Variants in ARHGAP15 observed in about 807,000 individuals in gnomAD.
ARHGAP15 encodes the protein Rho GTPase activating protein 15, also known as rho GTPase-activating protein 15.
A neutral mutation model predicts 63.7 loss-of-function variants in ARHGAP15; 51 were observed. The ratio of observed to expected loss-of-function variants is 0.80; its 90% CI spans 0.64 to 1.01. The LOEUF is 1.01. Among genes scored for constraint, ARHGAP15 ranks in the 50% least tolerant of loss-of-function variants. The probability of loss-of-function intolerance (pLI) is 0.00; values close to 1 mark genes in which losing one functional copy is unlikely to be tolerated. For synonymous variants in ARHGAP15, 191 were observed against 193.8 expected, an observed-to-expected ratio of 0.99 and a Z score of 0.12; for missense variants, 560 against 564.6, an observed-to-expected ratio of 0.99 and a Z score of 0.08.
intron 6 of ARHGAP15, among the ~76,000 whole-genome samples, chr2:143,332,151 G>T (rs1239351242): frequency 6.6e-6 from 1 of 151,964 alleles, no homozygotes; most frequent in African/African-American, 2.4e-5. Context: ...ATTAGATCAT[G>T]GTATCAATTC....
intron 9 of ARHGAP15, among the ~76,000 whole-genome samples, chr2:143,494,689 C>T (rs990486880): frequency 2.6e-5 from 4 of 152,050 alleles, no homozygotes; most frequent in Non-Finnish European, 5.9e-5. Flanking sequence ...CAATAGTTGT[C>T]CACTCTTATT....
At chr2:143,677,252 G>A (rs1410538635) in intron 12 of ARHGAP15, among the ~76,000 whole-genome samples, 1 of 152,220 alleles carries the variant, frequency 6.6e-6, no homozygotes, top group East Asian at 1.9e-4. Flanking sequence ...GTGGTGAACA[G>A]CAAGTGTTTT....
At chr2:143,490,743 C>T (rs1417804032) in intron 9 of ARHGAP15, among the ~76,000 whole-genome samples, 2 of 152,136 alleles carry the variant, frequency 1.3e-5, no homozygotes, top group Admixed American at 1.3e-4. Context: ...GCTTCAGCTC[C>T]TGAGTAGCTG....
At chr2:143,445,480 A>G (rs1690095242) in intron 8 of ARHGAP15, among the ~76,000 whole-genome samples, 1 of 152,068 alleles carries the variant, frequency 6.6e-6, no homozygotes, top group African/African-American at 2.4e-5. Context: ...ACAATTTCTA[A>G]TGACTGCATT....
intron 13 of ARHGAP15, among the ~76,000 whole-genome samples, chr2:143,736,394 C>CAA (rs112035181): frequency 3.5e-5 from 4 of 114,858 alleles, no homozygotes; most frequent in South Asian, 2.7e-4. Flanking sequence ...GAAACTCTGT[C>CAA]AAAAAAAAAA....
intron 8 of ARHGAP15, among the ~76,000 whole-genome samples, chr2:143,438,792 T>C (rs1028313490): frequency 6.6e-6 from 1 of 152,164 alleles, no homozygotes; most frequent in Admixed American, 6.5e-5. Flanking sequence ...GTTGGGAGTA[T>C]ATATTTAGTG....
intron 6 of ARHGAP15, among the ~76,000 whole-genome samples, chr2:143,326,493 C>G (rs6738794): frequency 2.6e-3 from 392 of 152,276 alleles, no homozygotes; most frequent in African/African-American, 9.2e-3. Context: ...CAGCTAAAGT[C>G]CTTGTTCATT....
chr2:143,392,345 C>A (rs1190309944), intron 6 of ARHGAP15, among the ~76,000 whole-genome samples: 1 of 152,052 alleles, frequency 6.6e-6, no homozygotes, highest in African/African-American at 2.4e-5. Context: ...GTCATTTGAT[C>A]CACATCATCA....
At chr2:143,483,281 C>A (rs192670538) in intron 8 of ARHGAP15, among the ~76,000 whole-genome samples, 1 of 151,874 alleles carries the variant, frequency 6.6e-6, no homozygotes, top group Non-Finnish European at 1.5e-5. Context: ...TAACTCATAC[C>A]GTAATTATTT....
At chr2:143,257,973 A>T (rs955981865) in intron 6 of ARHGAP15, among the ~76,000 whole-genome samples, 3 of 152,132 alleles carry the variant, frequency 2.0e-5, no homozygotes, top group African/African-American at 7.2e-5. Flanking sequence ...TTTATTTTTA[A>T]AGAGAGCAGC....
chr2:143,395,302 T>G (rs1687710296), intron 6 of ARHGAP15, among the ~76,000 whole-genome samples: 1 of 152,130 alleles, frequency 6.6e-6, no homozygotes, highest in African/African-American at 2.4e-5. Flanking sequence ...CAAGTGAGAA[T>G]GAGTGATGTC....
At chr2:143,605,656 T>G (rs1472559296) in intron 11 of ARHGAP15, among the ~76,000 whole-genome samples, 1 of 151,544 alleles carries the variant, frequency 6.6e-6, no homozygotes, top group Non-Finnish European at 1.5e-5. Flanking sequence ...AGTAAGAAAT[T>G]TTTGACTTCC....
intron 8 of ARHGAP15, among the ~76,000 whole-genome samples, chr2:143,444,378 T>G (rs2105114357): frequency 6.6e-6 from 1 of 152,358 alleles, no homozygotes; most frequent in East Asian, 1.9e-4. Flanking sequence ...TATTAATGTT[T>G]TCTTATAAAG....
intron 13 of ARHGAP15, among the ~76,000 whole-genome samples, chr2:143,720,774 A>T (rs1450310730): frequency 6.6e-6 from 1 of 152,152 alleles, no homozygotes; most frequent in African/African-American, 2.4e-5. Context: ...TCTTGTTAAA[A>T]AATGCAGATT....
intron 6 of ARHGAP15, among the ~76,000 whole-genome samples, chr2:143,356,133 T>G (rs1467674964): frequency 2.0e-5 from 3 of 152,022 alleles, no homozygotes; most frequent in Non-Finnish European, 4.4e-5. Flanking sequence ...TCCGAAGAGA[T>G]AGTGTTGCTC....
At chr2:143,286,536 T>G (rs1459604602) in intron 6 of ARHGAP15, among the ~76,000 whole-genome samples, 1 of 152,240 alleles carries the variant, frequency 6.6e-6, no homozygotes, top group African/African-American at 2.4e-5. Context: ...CATGTGAGTG[T>G]GCTCACCCAT....
chr2:143,365,199 C>T (rs577286540), intron 6 of ARHGAP15, among the ~76,000 whole-genome samples: 129 of 152,258 alleles, frequency 8.5e-4, no homozygotes, highest in African/African-American at 2.7e-3. Flanking sequence ...CCTTATGACC[C>T]TATCTCCTAT....
intron 6 of ARHGAP15, among the ~76,000 whole-genome samples, chr2:143,321,375 T>G (rs779362915): frequency 4.6e-5 from 7 of 152,258 alleles, no homozygotes; most frequent in Non-Finnish European, 1.0e-4. Context: ...TCTCCTCTTG[T>G]CCACTGGTTT....
chr2:143,399,292 T>G (rs1162877032), intron 6 of ARHGAP15, among the ~76,000 whole-genome samples: 1 of 151,878 alleles, frequency 6.6e-6, no homozygotes, highest in African/African-American at 2.4e-5. Context: ...AGACATTTTT[T>G]CTTTAGAAGA....
Sources: allele counts gnomAD v4.1 joint callset (sites outside exome capture counted in the v4.1 genomes callset), GRCh38; gene constraint gnomAD v4.1.1; transcripts MANE v1.5; gene names NCBI Gene and HGNC (gene_info 2026-07-23, HGNC 2026-07-21).